EPHA6: variants seen among roughly 807,000 people sequenced by gnomAD.
The protein encoded by EPHA6 is ephrin type-A receptor 6.
In EPHA6, 50 loss-of-function variants were observed where a neutral mutation model predicts 112.0. The ratio of observed to expected loss-of-function variants is 0.45; its 90% CI spans 0.36 to 0.56. The LOEUF is 0.56. EPHA6 is among the 20% of genes least tolerant of loss of function. The probability of loss-of-function intolerance (pLI) is 0.00; values close to 1 mark genes in which losing one functional copy is unlikely to be tolerated. For missense variants in EPHA6, 1,280 were observed against 1,417.4 expected (o/e 0.90, Z 1.56); for synonymous variants, 529 against 490.7 (o/e 1.08, Z -1.03).
chr3:96,815,074 T>C lies in EPHA6; in HGVS notation c.385+66T>C, dbSNP rs2032654523. On this transcript the variant is annotated intron_variant, in intron 1 of 17. Coordinates refer to ENST00000389672, the MANE Select transcript of EPHA6 (RefSeq NM_001080448.3). ...GAGGGTGCTTGGAGAACCAGGGTAC[T>C]GGTTGCCTCCTGCAGGTAACTTTGT... 7 of 1,426,540 alleles carry C rather than the reference T, an allele frequency of 4.9e-6. No individual in the cohort carries two copies. The Admixed American group carries it at 1.4e-4, about 28-fold the overall frequency. 88.4% of individuals were successfully genotyped at this position (1,426,540 alleles called of 1,614,324 possible). A position where few individuals can be genotyped will look rare whatever the true frequency, so the allele number is the denominator to read the frequency against.
intron 2 of EPHA6, among the ~76,000 whole-genome samples, chr3:96,962,409 G>A (rs1272704019): frequency 6.6e-6 from 1 of 150,918 alleles, no homozygotes; most frequent in Non-Finnish European, 1.5e-5. Context: ...GAGAACAGAA[G>A]CTAGAGTTGA....
At chr3:97,256,251 TCA>T (rs1394941611) in intron 5 of EPHA6, among the ~76,000 whole-genome samples, 1 of 152,064 alleles carries the variant, frequency 6.6e-6, no homozygotes, top group Admixed American at 6.6e-5. Flanking sequence ...TTCTGGTGTC[TCA>T]CAGTTCCTCT....
At chr3:97,387,930 G>A (rs2086165341) in intron 5 of EPHA6, among the ~76,000 whole-genome samples, 1 of 152,182 alleles carries the variant, frequency 6.6e-6, no homozygotes, top group South Asian at 2.1e-4. Context: ...TGAAGGGGAA[G>A]CACATACATC....
intron 14 of EPHA6, among the ~76,000 whole-genome samples, chr3:97,641,566 G>T (rs144380843): frequency 6.6e-6 from 1 of 152,182 alleles, no homozygotes; most frequent in African/African-American, 2.4e-5. Flanking sequence ...GACAGTGGGC[G>T]CAGGATAGTG....
At chr3:96,940,394 T>C (rs944850547) in intron 2 of EPHA6, among the ~76,000 whole-genome samples, 1 of 152,230 alleles carries the variant, frequency 6.6e-6, no homozygotes, top group Admixed American at 6.5e-5. Context: ...GTTTAAAGTC[T>C]GTTTTATCAG....
At chr3:97,388,308 CT>C (rs949401008) in intron 5 of EPHA6, among the ~76,000 whole-genome samples, 115 of 149,660 alleles carry the variant, frequency 7.7e-4, no homozygotes, top group African/African-American at 2.7e-3. Context: ...GAGAAGAAAA[CT>C]TTTTTTTTTA....
chr3:97,228,720 T>C (rs1338416554), intron 4 of EPHA6, among the ~76,000 whole-genome samples: 5 of 152,188 alleles, frequency 3.3e-5, no homozygotes. Flanking sequence ...TCTTTTCCTC[T>C]GGGTAGATAG....
chr3:97,458,143 T>C (rs982179839), intron 7 of EPHA6, among the ~76,000 whole-genome samples: 2 of 149,806 alleles, frequency 1.3e-5, no homozygotes, highest in African/African-American at 4.9e-5. Context: ...GAAACAGTAG[T>C]TCCCTTGAAA....
Position 97,099,854 on chromosome 3 carries a change from A to G in EPHA6, c.1114+111861A>G, listed in dbSNP as rs371425836. Among the ~76,000 whole-genome samples the G allele has an allele frequency of 3.9e-5, 6 of 152,118 alleles. No homozygotes were observed. In the East Asian group the frequency reaches 7.7e-4, roughly 20 times the overall value. On this transcript the variant is annotated intron_variant, in intron 3 of 17. Coordinates refer to ENST00000389672, the MANE Select transcript of EPHA6 (RefSeq NM_001080448.3). ...CCACAGCTGACTACTTTGGATTATG[A>G]AGTGAGTGAGAAATAAACCTGTAGT...
intron 3 of EPHA6, among the ~76,000 whole-genome samples, chr3:97,153,305 T>G (rs1340525786): frequency 3.9e-5 from 6 of 152,098 alleles, no homozygotes; most frequent in African/African-American, 1.4e-4. Flanking sequence ...AGAAATGTAA[T>G]TCTGGTCCAT....
chr3:96,856,853 A>T (rs1021403732), intron 1 of EPHA6, among the ~76,000 whole-genome samples: 4 of 152,138 alleles, frequency 2.6e-5, no homozygotes, highest in Non-Finnish European at 5.9e-5. Context: ...GGGGAGACAA[A>T]TCATCAGTGA....
At chr3:97,047,083 C>A (rs1576386164) in intron 3 of EPHA6, among the ~76,000 whole-genome samples, 1 of 151,716 alleles carries the variant, frequency 6.6e-6, no homozygotes, top group South Asian at 2.1e-4. Flanking sequence ...TTTTTATCAA[C>A]CTGGATTTGA....
At chr3:96,994,685 G>A (rs2043336378) in intron 3 of EPHA6, among the ~76,000 whole-genome samples, 2 of 138,164 alleles carry the variant, frequency 1.4e-5, no homozygotes, top group Admixed American at 1.5e-4. Context: ...CTGAGAATGT[G>A]TGTGTGTATG....
chr3:97,347,832 C>T (rs1276068523), intron 5 of EPHA6, among the ~76,000 whole-genome samples: 1 of 152,020 alleles, frequency 6.6e-6, no homozygotes, highest in Non-Finnish European at 1.5e-5. Flanking sequence ...CTGGCAAGTA[C>T]ATTTTCACAT....
intron 5 of EPHA6, among the ~76,000 whole-genome samples, chr3:97,313,174 T>C (rs1246797143): frequency 2.0e-5 from 3 of 151,694 alleles, no homozygotes; most frequent in Middle Eastern, 3.4e-3. Context: ...GGTATTTGTG[T>C]TTCTTTGTCT....
chr3:97,698,732 G>A (rs750864874), intron 14 of EPHA6, among the ~76,000 whole-genome samples: 1 of 152,142 alleles, frequency 6.6e-6, no homozygotes, highest in African/African-American at 2.4e-5. Context: ...TGTGGCCCTC[G>A]ACAATTTTCC....
At chr3:97,640,368 C>A (rs1280991867) in intron 14 of EPHA6, among the ~76,000 whole-genome samples, 1 of 152,090 alleles carries the variant, frequency 6.6e-6, no homozygotes, top group Non-Finnish European at 1.5e-5. Context: ...TGTAAAGGTA[C>A]CTGAGTGGCA....
intron 3 of EPHA6, among the ~76,000 whole-genome samples, chr3:97,212,033 G>C (rs1206078608): frequency 6.6e-6 from 1 of 152,150 alleles, no homozygotes; most frequent in Non-Finnish European, 1.5e-5. Context: ...TCTTTTTGAA[G>C]ACATTTTTCT....
chr3:97,122,865 C>A (rs1056496914), intron 3 of EPHA6, among the ~76,000 whole-genome samples: 1 of 151,900 alleles, frequency 6.6e-6, no homozygotes, highest in South Asian at 2.1e-4. Flanking sequence ...TAAGGCAAAT[C>A]CTGCTGTTTT....
Sources: gnomAD v4.1 joint callset for allele counts (sites outside exome capture counted in the v4.1 genomes callset) on GRCh38, gnomAD v4.1.1 for gene constraint, MANE v1.5 for transcripts, NCBI Gene and HGNC (gene_info 2026-07-23, HGNC 2026-07-21) for gene names.